The following SBNO1 variants were observed in gnomAD, a reference collection of about 807,000 sequenced individuals.
SBNO1 encodes the protein protein strawberry notch homolog 1.
A neutral mutation model predicts 173.6 loss-of-function variants in SBNO1; 23 were observed. The observed-to-expected ratio is 0.13, with a 90% CI of 0.10 to 0.19. The LOEUF is 0.19. SBNO1 is among the 10% of genes least tolerant of loss of function. The probability of loss-of-function intolerance (pLI) is 1.00; values close to 1 mark genes in which losing one functional copy is unlikely to be tolerated. For synonymous variants in SBNO1, 632 were observed against 571.5 expected (o/e 1.11, Z -1.51); for missense variants, 1,238 against 1,671.2 (o/e 0.74, Z 4.52).
At chr12:123,351,738 G>A (rs1431811900) in intron 1 of SBNO1, among the ~76,000 whole-genome samples, 1 of 152,188 alleles carries the variant, frequency 6.6e-6, no homozygotes, top group African/African-American at 2.4e-5. Context: ...GACCAGGAGA[G>A]AGATGTATTA....
rs2048568281 is a variant in SBNO1, at chr12:123,294,751, C to T, written c.*1157G>A. 1 of 153,000 alleles carries T rather than the reference C, an allele frequency of 6.5e-6. No homozygotes were observed. The highest frequency in any genetic ancestry group is 1.4e-5 in the Non-Finnish European group (1 of 71,806). The allele number at this position is 153,000 out of a possible 1,614,324, so 9.5% of individuals were successfully genotyped here. A position where few individuals can be genotyped will look rare whatever the true frequency, so the allele number is the denominator to read the frequency against. On this transcript the variant is annotated 3_prime_UTR_variant, in exon 32 of 32. Transcript: ENST00000602398. ...TTATAAACATCTATTATAGGCGAAA[C>T]AAAACTTACCCATATTATATAGATA...
chr12:123,301,222 G>A (rs1299968393), intron 30 of SBNO1, among the ~76,000 whole-genome samples: 1 of 152,024 alleles, frequency 6.6e-6, no homozygotes, highest in Non-Finnish European at 1.5e-5. Flanking sequence ...TGGCCAGGCT[G>A]GTCTTGAATT....
At chr12:123,342,887 T>C (rs1464235721) in intron 4 of SBNO1, among the ~76,000 whole-genome samples, 1 of 152,204 alleles carries the variant, frequency 6.6e-6, no homozygotes, top group African/African-American at 2.4e-5. Context: ...ATTTCATCTA[T>C]TCTAGCAAAA....
At chr12:123,296,223 TC>T (rs749075802) in intron 31 of SBNO1, among the ~76,000 whole-genome samples, 173 bp from the exon 32 acceptor site, 12 of 152,356 alleles carry the variant, frequency 7.9e-5, no homozygotes, top group Admixed American at 2.6e-4. Flanking sequence ...GTCTGATTCT[TC>T]CACAGCATTT....
At chr12:123,344,781 G>A (rs550704870) in intron 4 of SBNO1, among the ~76,000 whole-genome samples, 80 of 152,176 alleles carry the variant, frequency 5.3e-4, no homozygotes, top group African/African-American at 1.8e-3. Flanking sequence ...TCCAGGAGAC[G>A]GAAGCTGCAG....
chr12:123,307,079 C>CTTAAGA (rs963883658), intron 28 of SBNO1, among the ~76,000 whole-genome samples: 5 of 140,364 alleles, frequency 3.6e-5, no homozygotes, highest in African/African-American at 1.3e-4. Flanking sequence ...GTCCCAGCTA[C>CTTAAGA]TTAAGAGGCT....
chr12:123,336,408 G>A lies in SBNO1; in HGVS notation c.735C>T (p.Tyr245=). 1 of 1,589,982 alleles carries A rather than the reference G, an allele frequency of 6.3e-7. No homozygotes were observed. Among genetic ancestry groups the A allele is most frequent in the Non-Finnish European group, 8.6e-7 (1 of 1,161,820 alleles). The part of the protein sequence containing the change: ...EMGHAETYAE[Y]MPIKLKIGLR... ...CCGAAGACATACATTTTATTGGCAT[G>A]TATTCTGCATAGGTTTCTGCATGAC... is the stretch of plus-strand genomic sequence containing the variant. The change falls in exon 6 of 32, where the codon TAC becomes TAT. Residue 245 remains tyrosine, a synonymous_variant. Transcript: ENST00000602398.
intron 30 of SBNO1, among the ~76,000 whole-genome samples, chr12:123,299,680 T>TAAAAAAAAAAA (rs2048718309): frequency 4.0e-5 from 1 of 24,710 alleles, no homozygotes; most frequent in Non-Finnish European, 2.4e-4. Context: ...GACTCTGTCT[T>TAAAAAAAAAAA]CAAAAAAAAA....
At chr12:123,300,627 C>CAG (rs1195417316) in intron 30 of SBNO1, among the ~76,000 whole-genome samples, 2 of 151,556 alleles carry the variant, frequency 1.3e-5, no homozygotes, top group Non-Finnish European at 2.9e-5. Context: ...CACTGCACTC[C>CAG]AGCCTGGGTG....
At chr12:123,331,091 T>G (rs919656795) in intron 8 of SBNO1, 151 bp downstream of exon 8, 3 of 641,712 alleles carry the variant, frequency 4.7e-6, no homozygotes, top group Non-Finnish European at 2.6e-6. Context: ...GCCTCCTGAG[T>G]AGCTGGGACT....
At chr12:123,317,946 C>T (rs932503729) in intron 20 of SBNO1, among the ~76,000 whole-genome samples, 1 of 152,050 alleles carries the variant, frequency 6.6e-6, no homozygotes, top group Non-Finnish European at 1.5e-5. Context: ...CTTGAAAATA[C>T]GTAACATTAT....
intron 10 of SBNO1, 37 bp from the exon 11 acceptor site, chr12:123,328,064 A>G (rs10846517): frequency 0.96 from 1,455,526 of 1,522,284 alleles, 696,843 homozygotes; most frequent in Non-Finnish European, 0.96. Context: ...TCACATTAGT[A>G]TTAAGTAAGA....
chr12:123,309,682 T>C (rs777460492), intron 26 of SBNO1, 28 bp downstream of exon 26: 32 of 1,608,594 alleles, frequency 2.0e-5, no homozygotes, highest in African/African-American at 4.0e-5. Context: ...CCTGGGGACA[T>C]TGTGGGGGGG....
In SBNO1 at chr12:123,293,042, C is replaced by T. The variant is rs147332038; in HGVS notation, c.*2866G>A. The T allele has an allele frequency of 1.8e-3, 270 of 152,312 alleles. No homozygotes were observed. Among genetic ancestry groups the T allele is most frequent in the African/African-American group, 6.2e-3 (256 of 41,572 alleles). 9.4% of individuals were successfully genotyped at this position (152,312 alleles called of 1,614,324 possible). ...GAAGTGGTTTTCAGTACAATTGACG[C>T]TGTAAACTCTGAAAACACGAACATG... On this transcript the variant is annotated 3_prime_UTR_variant, in exon 32 of 32. Transcript: ENST00000602398.
In SBNO1 at chr12:123,289,596, A is replaced by G. The variant is rs1376115700; in HGVS notation, c.*6312T>C. The stretch of plus-strand genomic sequence containing the variant: ...ACCATCTACACCTACATAGAAAAGT[A>G]TCCTTTGCTCAGAGGAGGTAGAACC... On this transcript the variant is annotated 3_prime_UTR_variant, in exon 32 of 32. Transcript: ENST00000602398. The G allele has an allele frequency of 2.0e-5, 3 of 152,274 alleles. No homozygotes were observed. The highest frequency in any genetic ancestry group is 7.2e-5 in the African/African-American group (3 of 41,472). 9.4% of individuals were successfully genotyped at this position (152,274 alleles called of 1,614,324 possible).
chr12:123,347,587 T>C lies in SBNO1; in HGVS notation c.237+442A>G, dbSNP rs535008624. ...GTCGCCCAGGCTGGAGTGCAGTGGC[T>C]TGGTCTCTGCTCACTGCAACCTCCT... On this transcript the variant is annotated intron_variant, in intron 3 of 31. Transcript: ENST00000602398. 9.3e-5 allele frequency among the ~76,000 whole-genome samples: 14 copies of C among 151,196 alleles called. No individual in the cohort carries two copies. The Middle Eastern group carries it at 0.01, about 112-fold the overall frequency.
chr12:123,297,985 C>T lies in SBNO1; in HGVS notation c.4032G>A (p.Arg1344=). Residue 1344 remains arginine, a synonymous_variant, in exon 31 of 32, where the codon CGG becomes CGA. Coordinates refer to ENST00000602398, the MANE Select transcript of SBNO1 (RefSeq NM_001167856.3). ...AACAAAAATTAGACTCACCTACAATCCGTTGCCCATCTTCCGTTCTTAGCC... is the reference window on the plus strand; with the variant it reads ...AACAAAAATTAGACTCACCTACAATTCGTTGCCCATCTTCCGTTCTTAGCC... ...IVRLRTEDGQ[R]IVGLIIPANC... 2.5e-6 allele frequency: 4 copies of T among 1,613,566 alleles called. No individual in the cohort carries two copies. Among genetic ancestry groups the T allele is most frequent in the Non-Finnish European group, 3.4e-6 (4 of 1,179,862 alleles).
intron 31 of SBNO1, among the ~76,000 whole-genome samples, chr12:123,297,329 CA>C (rs11427958): frequency 0.022 from 720 of 32,014 alleles, 4 homozygotes; most frequent in South Asian, 0.053. Flanking sequence ...GACTCAGTCT[CA>C]AAAAAAAAAA....
rs1343654618 is a variant in SBNO1 at position 123,290,056 on chromosome 12, TTTTTG to T, written c.*5847_*5851del. 4 of 152,284 alleles carry T rather than the reference TTTTTG, an allele frequency of 2.6e-5. No individual in the cohort carries two copies. The highest frequency in any genetic ancestry group is 9.6e-5 in the African/African-American group (4 of 41,476). 9.4% of individuals were successfully genotyped at this position (152,284 alleles called of 1,614,324 possible). ...TTACAAGTATCAAAAAGAACCCGCC[TTTTTG>T]GGCTTCTTCTTTTCCTTGCTTAGCC... On this transcript the variant is annotated 3_prime_UTR_variant, in exon 32 of 32. Transcript: ENST00000602398.
Sources: allele counts gnomAD v4.1 joint callset (sites outside exome capture counted in the v4.1 genomes callset), GRCh38; gene constraint gnomAD v4.1.1; transcripts MANE v1.5; gene names NCBI Gene and HGNC (gene_info 2026-07-23, HGNC 2026-07-21).